The following FANCB variants were observed in gnomAD, a reference collection of about 807,000 sequenced individuals.
FANCB encodes the protein Fanconi anemia group B protein.
A neutral mutation model predicts 38.9 loss-of-function variants in FANCB; 5 were observed. The observed-to-expected ratio is 0.13, with a 90% CI of 0.07 to 0.27. The LOEUF (loss-of-function observed/expected upper bound fraction) is 0.27, where lower values mean the gene tolerates loss of function less well. FANCB is among the 10% of genes least tolerant of loss of function. The pLI is 1.00. For synonymous variants in FANCB, 236 were observed against 215.4 expected (o/e 1.10, Z -0.84); for missense variants, 573 against 602.7 (o/e 0.95, Z 0.52).
chrX:14,849,979 C>T (rs1045130084), intron 7 of FANCB, among the ~76,000 whole-genome samples: 2 of 112,060 alleles, frequency 1.8e-5, no homozygotes, highest in South Asian at 3.7e-4. Context: ...AAAATAAATG[C>T]AAAATATCTT....
rs763963394 is a variant in FANCB, at chrX:14,843,632, T to C, written c.2515A>G (p.Thr839Ala). Reference protein sequence around the residue: ...KVSGALYREITLKVAEVQLKS... With the variant: ...KVSGALYREIALKVAEVQLKS... ...AACTGAACCTCAGCTACTTTCAAAGTTATTTCTCTGTAAAGGGCACCACTC... is the reference window on the plus strand; with the variant it reads ...AACTGAACCTCAGCTACTTTCAAAGCTATTTCTCTGTAAAGGGCACCACTC... The change falls in exon 10 of 10, where the codon ACT (threonine) becomes GCT (alanine). Residue 839 changes from threonine to alanine, a missense_variant. By Grantham distance (58) the Thr-to-Ala change is moderately conservative. Coordinates refer to ENST00000650831, the MANE Select transcript of FANCB (RefSeq NM_001018113.3). The C allele has an allele frequency of 7.5e-6, 9 of 1,206,734 alleles. No individual in the cohort carries two copies. The highest frequency in any genetic ancestry group is 1.0e-5 in the Non-Finnish European group (9 of 893,278).
At chrX:14,776,624 C>T in the FANCB span, among the ~76,000 whole-genome samples, 1 of 112,391 alleles carries the variant, frequency 8.9e-6, no homozygotes, top group African/African-American at 3.2e-5. Flanking sequence ...CCAAGAGCAA[C>T]AGCATACATG....
chrX:14,836,849 T>C (rs1449787442), intron 10 of FANCB, among the ~76,000 whole-genome samples: 2 of 112,220 alleles, frequency 1.8e-5, no homozygotes, highest in African/African-American at 6.5e-5. Flanking sequence ...CTACTGGGTA[T>C]AGTGCCCTAT....
chrX:14,745,687 A>ATT, the FANCB span, among the ~76,000 whole-genome samples: 7 of 29,241 alleles, frequency 2.4e-4, no homozygotes, highest in East Asian at 1.4e-3. Context: ...AAACTCTGGA[A>ATT]TTTTTTTTTT....
chrX:14,690,568 C>T, the FANCB span: 26 of 443,349 alleles, frequency 5.9e-5, no homozygotes, highest in East Asian at 7.3e-4. Flanking sequence ...CTTAAGAAAA[C>T]GCTGGAAAAT....
At chrX:14,731,507 T>C in the FANCB span, 2 of 111,728 alleles carry the variant, frequency 1.8e-5, no homozygotes. Flanking sequence ...CTAGTCCTAA[T>C]GTCAACTGAC....
intron 10 of FANCB, among the ~76,000 whole-genome samples, chrX:14,838,245 G>A (rs2092346083): frequency 9.0e-6 from 1 of 111,656 alleles, no homozygotes; most frequent in African/African-American, 3.3e-5. Flanking sequence ...TGGTATGCAA[G>A]TGTGGGCTAT....
At chrX:14,863,769 G>A (rs1465729339) in intron 3 of FANCB, among the ~76,000 whole-genome samples, 1 of 112,223 alleles carries the variant, frequency 8.9e-6, no homozygotes, top group African/African-American at 3.2e-5. Context: ...CAGATTTCAA[G>A]GAATTTCTCT....
the FANCB span, among the ~76,000 whole-genome samples, chrX:14,700,340 G>A: frequency 3.2e-3 from 352 of 110,820 alleles, 1 homozygote; most frequent in African/African-American, 0.011. Context: ...CAGGAAGAGG[G>A]AATGGAAGGG....
At chrX:14,787,094 G>A in the FANCB span, among the ~76,000 whole-genome samples, 1 of 110,415 alleles carries the variant, frequency 9.1e-6, no homozygotes. Context: ...GTTGCTGAGG[G>A]GGAGCCAGAG....
the FANCB span, among the ~76,000 whole-genome samples, chrX:14,770,450 A>G: frequency 9.0e-6 from 1 of 111,470 alleles, no homozygotes; most frequent in Non-Finnish European, 1.9e-5. Flanking sequence ...AGAAACTAGG[A>G]CTGCAACCCC....
the FANCB span, among the ~76,000 whole-genome samples, chrX:14,776,090 G>A: frequency 1.2e-5 from 1 of 86,238 alleles, no homozygotes; most frequent in East Asian, 4.2e-4. Flanking sequence ...CGTCTGATAT[G>A]CCCTGATAGC....
the FANCB span, among the ~76,000 whole-genome samples, chrX:14,753,610 G>T: frequency 9.0e-6 from 1 of 111,405 alleles, no homozygotes; most frequent in Non-Finnish European, 1.9e-5. Context: ...ATCAGCTTGG[G>T]TGACAAGGAT....
At chrX:14,868,147 T>A (rs1023455292) in intron 2 of FANCB, among the ~76,000 whole-genome samples, 2 of 111,743 alleles carry the variant, frequency 1.8e-5, no homozygotes, top group South Asian at 7.4e-4. Flanking sequence ...GAAAACAGTA[T>A]GGAAGTTCCT....
At chrX:14,696,191 G>A in the FANCB span, among the ~76,000 whole-genome samples, 3 of 100,069 alleles carry the variant, frequency 3.0e-5, no homozygotes, top group South Asian at 1.1e-3. Flanking sequence ...AGAGTGGGAG[G>A]GAGGGAGAAT....
chrX:14,840,338 C>T (rs904576784), downstream of FANCB, among the ~76,000 whole-genome samples: 1 of 111,954 alleles, frequency 8.9e-6, no homozygotes, highest in African/African-American at 3.3e-5. Flanking sequence ...TCCAGCCTGA[C>T]AGTCTTTTCC....
intron 3 of FANCB, among the ~76,000 whole-genome samples, chrX:14,860,810 A>T (rs1250151532): frequency 8.9e-6 from 1 of 111,781 alleles, no homozygotes; most frequent in Admixed American, 9.5e-5. Context: ...ACCAGAATAC[A>T]TTAACCTCTA....
chrX:14,855,981 C>T (rs1372487250), intron 5 of FANCB, among the ~76,000 whole-genome samples: 1 of 112,270 alleles, frequency 8.9e-6, no homozygotes, highest in Admixed American at 9.4e-5. Flanking sequence ...CTTCATCTAT[C>T]ATTTTCAGTT....
the FANCB span, among the ~76,000 whole-genome samples, chrX:14,758,427 G>A: frequency 3.6e-5 from 4 of 111,642 alleles, no homozygotes; most frequent in African/African-American, 1.3e-4. Flanking sequence ...AAAAACTTGC[G>A]CAATAAACAA....
Sources: allele counts gnomAD v4.1 joint callset (sites outside exome capture counted in the v4.1 genomes callset), GRCh38; gene constraint gnomAD v4.1.1; transcripts MANE v1.5; gene names NCBI Gene and HGNC (gene_info 2026-07-23, HGNC 2026-07-21).